The following NAV3 variants were observed in gnomAD, a reference collection of about 807,000 sequenced individuals.
NAV3 encodes the protein neuron navigator 3, also known as pore membrane and/or filament interacting like protein 1.
Under a neutral mutation model 244.7 loss-of-function variants are expected in NAV3, and 87 were observed. The observed-to-expected ratio is 0.36, with a 90% CI of 0.30 to 0.42. NAV3 has a LOEUF of 0.42. Among genes scored for constraint, NAV3 ranks in the 20% least tolerant of loss-of-function variants. The probability of loss-of-function intolerance (pLI) is 1.00; values close to 1 mark genes in which losing one functional copy is unlikely to be tolerated. For synonymous variants in NAV3, 1,126 were observed against 1,042.2 expected (o/e 1.08, Z -1.55); for missense variants, 2,663 against 2,893.3 (o/e 0.92, Z 1.83).
chr12:78,033,379 A>G (rs12298462), intron 9 of NAV3, among the ~76,000 whole-genome samples: 4,359 of 152,224 alleles, frequency 0.029, 218 homozygotes, highest in African/African-American at 0.095. Flanking sequence ...ACATTATAAT[A>G]GCTATAACTT....
At chr12:77,750,092 G>A (rs1868766178) in intron 2 of NAV3, among the ~76,000 whole-genome samples, 1 of 152,210 alleles carries the variant, frequency 6.6e-6, no homozygotes, top group South Asian at 2.1e-4. Flanking sequence ...GGTGGCTTAC[G>A]CCTGTAATCC....
chr12:77,648,381 A>G (rs1276896336), intron 2 of NAV3, among the ~76,000 whole-genome samples: 2 of 152,232 alleles, frequency 1.3e-5, no homozygotes, highest in South Asian at 2.1e-4. Flanking sequence ...TAAGTCATGT[A>G]TGGTGTTTTA....
intron 2 of NAV3, among the ~76,000 whole-genome samples, chr12:77,642,822 T>C (rs565130804): frequency 1.3e-5 from 2 of 152,218 alleles, no homozygotes; most frequent in African/African-American, 4.8e-5. Flanking sequence ...AAAATCTTAC[T>C]TCAGAAAGAA....
At chr12:78,084,207 CT>C (rs1482092119) in intron 12 of NAV3, among the ~76,000 whole-genome samples, 2 of 152,206 alleles carry the variant, frequency 1.3e-5, no homozygotes, top group Non-Finnish European at 2.9e-5. Flanking sequence ...CTTTCTTTCC[CT>C]TTCTCAGTTA....
intron 30 of NAV3, among the ~76,000 whole-genome samples, chr12:78,183,986 T>C (rs1167942012): frequency 6.6e-6 from 1 of 151,910 alleles, no homozygotes; most frequent in Non-Finnish European, 1.5e-5. Flanking sequence ...GTTCTTCACT[T>C]ATCTAGCATT....
At chr12:77,998,705 A>G (rs1472052315) in intron 7 of NAV3, among the ~76,000 whole-genome samples, 2 of 152,152 alleles carry the variant, frequency 1.3e-5, no homozygotes, top group Admixed American at 1.3e-4. Flanking sequence ...ATGCAAGTAC[A>G]AATACTGTTT....
At chr12:77,870,233 C>T (rs796185668) in intron 1 of NAV3, among the ~76,000 whole-genome samples, 31 of 151,676 alleles carry the variant, frequency 2.0e-4, no homozygotes, top group African/African-American at 5.6e-4. Context: ...AGTATGTTGG[C>T]GCGCGCCTGT....
chr12:78,095,920 A>G (rs1395319718), intron 12 of NAV3, among the ~76,000 whole-genome samples: 2 of 152,204 alleles, frequency 1.3e-5, no homozygotes, highest in Non-Finnish European at 2.9e-5. Flanking sequence ...GGAACTGTAT[A>G]AAGGCACTTG....
At chr12:77,878,473 C>T (rs969235947) in intron 1 of NAV3, among the ~76,000 whole-genome samples, 2 of 152,038 alleles carry the variant, frequency 1.3e-5, no homozygotes, top group Non-Finnish European at 2.9e-5. Context: ...AACTGATCTG[C>T]CCATCTCGGC....
chr12:77,817,804 G>T lies in NAV3; in HGVS notation c.73-122515G>T, dbSNP rs112236479. Among the ~76,000 whole-genome samples, 740 of 152,154 alleles carry T rather than the reference G, an allele frequency of 4.9e-3. 10 individuals are homozygous for T. The highest frequency in any genetic ancestry group is 0.016 in the African/African-American group (672 of 41,542). The stretch of plus-strand genomic sequence containing the variant: ...AGCTGTTGGGGAAAAATCCCCACTG[G>T]TCTCCTATTTATCTAATTTTAATCC... On this transcript the variant is annotated intron_variant, in intron 2 of 8. Coordinates refer to the NAV3 transcript ENST00000550042.
At chr12:77,977,710 G>GCA (rs1232771315) in intron 5 of NAV3, among the ~76,000 whole-genome samples, 8 of 86,116 alleles carry the variant, frequency 9.3e-5, no homozygotes, top group African/African-American at 2.5e-4. Context: ...ACACACACAC[G>GCA]CGCACACACA....
chr12:78,164,830 T>TAA (rs1434583010), intron 23 of NAV3, among the ~76,000 whole-genome samples: 1 of 151,986 alleles, frequency 6.6e-6, no homozygotes, highest in Non-Finnish European at 1.5e-5. Context: ...GTGGAAAATT[T>TAA]AAACAGGCTT....
At chr12:78,045,883 G>T (rs1000526621) in intron 9 of NAV3, among the ~76,000 whole-genome samples, 2 of 152,102 alleles carry the variant, frequency 1.3e-5, no homozygotes, top group African/African-American at 4.8e-5. Context: ...TGGTTGGTAG[G>T]CTATTAATTA....
At chr12:77,944,207 G>T (rs992899315) in intron 3 of NAV3, among the ~76,000 whole-genome samples, 1 of 152,178 alleles carries the variant, frequency 6.6e-6, no homozygotes, top group South Asian at 2.1e-4. Context: ...AAGCCTGATA[G>T]TGTAGGGCCA....
chr12:78,092,054 A>G (rs988953388), intron 12 of NAV3, among the ~76,000 whole-genome samples: 8 of 152,162 alleles, frequency 5.3e-5, no homozygotes, highest in South Asian at 2.1e-4. Flanking sequence ...CACCTACGGT[A>G]TTAGCACTGA....
intron 22 of NAV3, among the ~76,000 whole-genome samples, chr12:78,151,051 G>T (rs999094536): frequency 1.7e-4 from 25 of 146,472 alleles, no homozygotes; most frequent in Non-Finnish European, 2.9e-4. Context: ...TTTCCCTAGG[G>T]GAACAATCAT....
intron 1 of NAV3, among the ~76,000 whole-genome samples, chr12:77,901,419 C>T (rs1885274575): frequency 6.6e-6 from 1 of 152,070 alleles, no homozygotes; most frequent in Middle Eastern, 3.4e-3. Flanking sequence ...AAGGTAGGCA[C>T]AGGTTTCAGG....
rs140155190 is a variant in NAV3 at position 77,819,195 on chromosome 12, G to T, written c.73-121124G>T. 1.1e-3 allele frequency among the ~76,000 whole-genome samples: 169 copies of T among 152,068 alleles called. 1 individual carries two copies. The highest frequency in any genetic ancestry group is 3.9e-3 in the African/African-American group (163 of 41,508). ...AGAAGAGGACTCATGCGTGCAATAG[G>T]TGTTACTGGGAACGTTTTATGAGAA... On this transcript the variant is annotated intron_variant, in intron 2 of 8. Coordinates refer to the NAV3 transcript ENST00000550042.
intron 2 of NAV3, among the ~76,000 whole-genome samples, chr12:77,653,781 TACATATAAAC>T (rs968418809): frequency 5.3e-4 from 80 of 152,292 alleles, no homozygotes; most frequent in African/African-American, 1.8e-3. Context: ...AATATATTCT[TACATATAAAC>T]ACATATAATA....
Sources: allele counts gnomAD v4.1 joint callset (sites outside exome capture counted in the v4.1 genomes callset), GRCh38; gene constraint gnomAD v4.1.1; transcripts MANE v1.5; gene names NCBI Gene and HGNC (gene_info 2026-07-23, HGNC 2026-07-21).